The following PARPBP variants were observed in gnomAD, a reference collection of about 807,000 sequenced individuals.
PARPBP encodes the protein PARP1 binding protein.
PARPBP carries 52 observed loss-of-function variants against 50.0 expected under a neutral mutation model. That is an observed-to-expected ratio of 1.04 (90% CI 0.83 to 1.31). The LOEUF is 1.31. PARPBP is among the 50% of genes most tolerant of loss of function. The probability of loss-of-function intolerance (pLI) is 0.00; values close to 1 mark genes in which losing one functional copy is unlikely to be tolerated. For missense variants in PARPBP, 697 were observed against 672.0 expected, an observed-to-expected ratio of 1.04 and a Z score of -0.41; for synonymous variants, 244 against 232.1, an observed-to-expected ratio of 1.05 and a Z score of -0.47.
chr12:102,169,728 T>A (rs1474577572), intron 6 of PARPBP, among the ~76,000 whole-genome samples: 1 of 152,094 alleles, frequency 6.6e-6, no homozygotes, highest in African/African-American at 2.4e-5. Flanking sequence ...CCAGAGTGAT[T>A]TTTCTGAAAC....
chr12:102,121,391 C>A (rs1881045699), intron 1 of PARPBP, among the ~76,000 whole-genome samples: 1 of 152,136 alleles, frequency 6.6e-6, no homozygotes, highest in Non-Finnish European at 1.5e-5. Flanking sequence ...CAGCTATACT[C>A]ATTTGTTTGT....
chr12:102,182,511 AT>A, intron 8 of PARPBP, 37 bp from the exon 9 acceptor site: 1 of 1,382,228 alleles, frequency 7.2e-7, no homozygotes. Context: ...CATTCCAACC[AT>A]AGCAATAAAT....
chr12:102,177,865 A>G (rs772667005), intron 7 of PARPBP, among the ~76,000 whole-genome samples: 1 of 152,126 alleles, frequency 6.6e-6, no homozygotes, highest in Non-Finnish European at 1.5e-5. Context: ...CAGCCATGCC[A>G]TGCTACCTGG....
chr12:102,125,533 C>T (rs1881867436), intron 2 of PARPBP, among the ~76,000 whole-genome samples: 2 of 151,982 alleles, frequency 1.3e-5, no homozygotes, highest in African/African-American at 4.8e-5. Context: ...GGTGTAGTGG[C>T]CCTGAGGTGG....
chr12:102,154,210 A>G (rs1886585862), intron 4 of PARPBP, among the ~76,000 whole-genome samples: 1 of 152,230 alleles, frequency 6.6e-6, no homozygotes, highest in South Asian at 2.1e-4. Flanking sequence ...GTTATCATTC[A>G]AAGTATCAGG....
chr12:102,127,949 G>T (rs1297357842), intron 2 of PARPBP, among the ~76,000 whole-genome samples: 1 of 152,040 alleles, frequency 6.6e-6, no homozygotes. Context: ...AATATATTTT[G>T]AAATATGTAT....
At chr12:102,150,412 T>A (rs1886034162) in intron 3 of PARPBP, 1 of 342,974 alleles carries the variant, frequency 2.9e-6, no homozygotes, top group Admixed American at 4.2e-5. Flanking sequence ...AATGTCATGA[T>A]CCTGAATTTT....
chr12:102,184,046 G>GAAAAAAAAA (rs71438459), intron 9 of PARPBP, among the ~76,000 whole-genome samples: 3,808 of 59,550 alleles, frequency 0.064, 194 homozygotes, highest in Non-Finnish European at 0.074. Flanking sequence ...GACTCTATCT[G>GAAAAAAAAA]AAAAAAAAAA....
intron 2 of PARPBP, among the ~76,000 whole-genome samples, chr12:102,135,514 TG>T (rs1883493941): frequency 8.4e-6 from 1 of 119,572 alleles, no homozygotes; most frequent in South Asian, 2.6e-4. Context: ...CACTCCAGCC[TG>T]GGAGACAGAG....
chr12:102,186,223 C>T (rs372856323), intron 9 of PARPBP, among the ~76,000 whole-genome samples: 52 of 151,982 alleles, frequency 3.4e-4, no homozygotes, highest in African/African-American at 1.0e-3. Context: ...TTTTCTTAGT[C>T]TAGCTAATGG....
intron 4 of PARPBP, among the ~76,000 whole-genome samples, chr12:102,163,652 A>C (rs539068440): frequency 2.2e-4 from 33 of 151,678 alleles, no homozygotes; most frequent in Non-Finnish European, 3.4e-4. Flanking sequence ...TGTTTTTCAG[A>C]TTTGATAATA....
At chr12:102,127,362 C>G (rs1487292629) in intron 2 of PARPBP, among the ~76,000 whole-genome samples, 4 of 150,780 alleles carry the variant, frequency 2.7e-5, no homozygotes, top group Non-Finnish European at 5.9e-5. Context: ...CCAGTGCACT[C>G]TAGCCTGGGC....
chr12:102,145,586 G>T (rs977779498), intron 2 of PARPBP, among the ~76,000 whole-genome samples: 5 of 152,172 alleles, frequency 3.3e-5, no homozygotes, highest in Non-Finnish European at 7.4e-5. Context: ...AGACTTTAAA[G>T]AAAGCATTAT....
intron 8 of PARPBP, among the ~76,000 whole-genome samples, chr12:102,180,060 C>A (rs777599372): frequency 1.1e-4 from 17 of 152,084 alleles, no homozygotes; most frequent in Middle Eastern, 3.2e-3. Flanking sequence ...GTCATCTATT[C>A]CTTAAAATCT....
Position 102,197,126 on chromosome 12 carries a change from T to G in PARPBP, c.*835T>G. Reference sequence around the variant, plus strand: ...GCAAGATAAGGTTTTATAGCCAGATTCAGTGGCAGACCATGATTTAAGAAA... The same window carrying G: ...GCAAGATAAGGTTTTATAGCCAGATGCAGTGGCAGACCATGATTTAAGAAA... On this transcript the variant is annotated 3_prime_UTR_variant, in exon 11 of 11. Coordinates refer to ENST00000327680, the MANE Select transcript of PARPBP (RefSeq NM_017915.5). 1 of 1,612,312 alleles carries G rather than the reference T, an allele frequency of 6.2e-7. No individual in the cohort carries two copies. The highest frequency in any genetic ancestry group is 8.5e-7 in the Non-Finnish European group (1 of 1,178,712).
In PARPBP at chr12:102,195,341, T is replaced by G. The variant is rs1381698748; in HGVS notation, c.1293T>G (p.Phe431Leu). ...KMKQTLIRSQ[F>L]ACTYKDDYMI... ...AGCAAACTTTAATTAGATCCCAATT[T>G]GCTTGTACTTATAAAGATGACTACA... Residue 431 changes from phenylalanine to leucine, a missense_variant, in exon 10 of 11, where the codon TTT becomes TTG. Coordinates refer to ENST00000327680, the MANE Select transcript of PARPBP (RefSeq NM_017915.5). 6.4e-7 allele frequency: 1 copy of G among 1,569,142 alleles called. No individual in the cohort carries two copies. Among genetic ancestry groups the G allele is most frequent in the Non-Finnish European group, 8.7e-7 (1 of 1,149,138 alleles).
intron 2 of PARPBP, among the ~76,000 whole-genome samples, chr12:102,133,815 A>G (rs1883215260): frequency 6.6e-6 from 1 of 152,196 alleles, no homozygotes. Flanking sequence ...GTGGTATGAA[A>G]CTAGAAATCT....
intron 7 of PARPBP, among the ~76,000 whole-genome samples, chr12:102,176,158 A>G (rs1037683430): frequency 2.0e-5 from 3 of 151,562 alleles, no homozygotes; most frequent in Non-Finnish European, 2.9e-5. Context: ...AATTTTTTGT[A>G]TTTTTAGTAG....
rs868310418 is a variant in PARPBP, at chr12:102,146,974, C to T, written c.154-1256C>T. ...CAAAAAACACATGAAAAAATGCTCA[C>T]CGTCACTGGCCATCAGAGAAATGCA... is the stretch of plus-strand genomic sequence containing the variant. On this transcript the variant is annotated intron_variant, in intron 2 of 10. Transcript: ENST00000327680. Among the ~76,000 whole-genome samples, 12 of 152,108 alleles carry T rather than the reference C, an allele frequency of 7.9e-5. No individual in the cohort carries two copies. The South Asian group carries it at 8.3e-4, about 11-fold the overall frequency.
Sources: allele counts gnomAD v4.1 joint callset (sites outside exome capture counted in the v4.1 genomes callset), GRCh38; gene constraint gnomAD v4.1.1; transcripts MANE v1.5; gene names NCBI Gene and HGNC (gene_info 2026-07-23, HGNC 2026-07-21).